The following RIT2 variants were observed in gnomAD, a reference collection of about 807,000 sequenced individuals.
The protein encoded by RIT2 is GTP-binding protein Rit2.
Under a neutral mutation model 23.7 loss-of-function variants are expected in RIT2, and 24 were observed. The observed-to-expected ratio is 1.01, with a 90% CI of 0.73 to 1.43. RIT2 has a LOEUF of 1.43. Ranked by LOEUF, RIT2 falls within the 40% of genes most tolerant of loss-of-function variation. The probability of loss-of-function intolerance (pLI) is 0.00; values close to 1 mark genes in which losing one functional copy is unlikely to be tolerated. For missense variants in RIT2, 236 were observed against 266.9 expected, an observed-to-expected ratio of 0.88 and a Z score of 0.81; for synonymous variants, 107 against 91.1, an observed-to-expected ratio of 1.17 and a Z score of -0.99.
chr18:42,856,297 A>G (rs1277070931), intron 4 of RIT2, among the ~76,000 whole-genome samples: 1 of 152,238 alleles, frequency 6.6e-6, no homozygotes, highest in Non-Finnish European at 1.5e-5. Context: ...GGAATTGCAT[A>G]CTCAGAGAGG....
chr18:42,828,185 A>T (rs1264204758), intron 4 of RIT2, among the ~76,000 whole-genome samples: 1 of 151,978 alleles, frequency 6.6e-6, no homozygotes, highest in East Asian at 1.9e-4. Context: ...TTTTACAACC[A>T]CTCTAGAGAG....
At chr18:43,055,196 G>A (rs1598763921) in intron 1 of RIT2, among the ~76,000 whole-genome samples, 1 of 152,110 alleles carries the variant, frequency 6.6e-6, no homozygotes, top group African/African-American at 2.4e-5. Flanking sequence ...TCTCAGTTAT[G>A]TATTTAAATA....
At chr18:42,905,560 C>T (rs1908589621) in intron 4 of RIT2, among the ~76,000 whole-genome samples, 1 of 152,100 alleles carries the variant, frequency 6.6e-6, no homozygotes, top group Non-Finnish European at 1.5e-5. Context: ...GCAACCTCTG[C>T]CTCGCAGGTT....
chr18:42,986,307 G>A (rs1910708084), intron 2 of RIT2, among the ~76,000 whole-genome samples: 1 of 151,858 alleles, frequency 6.6e-6, no homozygotes, highest in Non-Finnish European at 1.5e-5. Flanking sequence ...GGGATTACAG[G>A]CGTGAGGCAC....
chr18:42,791,523 T>C (rs1914043284), intron 4 of RIT2, among the ~76,000 whole-genome samples: 1 of 152,248 alleles, frequency 6.6e-6, no homozygotes, highest in African/African-American at 2.4e-5. Context: ...TACCTATTAG[T>C]GTCCCGCTGA....
chr18:42,911,227 G>C (rs917839071), intron 4 of RIT2, among the ~76,000 whole-genome samples: 3 of 151,862 alleles, frequency 2.0e-5, no homozygotes, highest in Admixed American at 1.3e-4. Flanking sequence ...AATACGTAGA[G>C]TGGAATAAAA....
At chr18:42,807,294 C>G (rs564902318) in intron 4 of RIT2, among the ~76,000 whole-genome samples, 1 of 152,242 alleles carries the variant, frequency 6.6e-6, no homozygotes, top group East Asian at 1.9e-4. Flanking sequence ...TGAATAAAGT[C>G]TTGTGTTCAG....
At chr18:42,894,001 T>C (rs1446484021) in intron 4 of RIT2, among the ~76,000 whole-genome samples, 2 of 152,228 alleles carry the variant, frequency 1.3e-5, no homozygotes, top group Non-Finnish European at 2.9e-5. Flanking sequence ...AATTTACCAA[T>C]TGAGAGATTG....
chr18:43,063,853 A>G (rs1912709534), intron 1 of RIT2, among the ~76,000 whole-genome samples: 1 of 152,204 alleles, frequency 6.6e-6, no homozygotes, highest in South Asian at 2.1e-4. Flanking sequence ...AATGTCTATT[A>G]GGTACCAACA....
At chr18:42,775,872 CACACACACAG>C (rs1024307332) in intron 4 of RIT2, among the ~76,000 whole-genome samples, 17 of 151,728 alleles carry the variant, frequency 1.1e-4, no homozygotes, top group Non-Finnish European at 2.2e-4. Flanking sequence ...CACACACACA[CACACACACAG>C]AGATGTAAAT....
At chr18:42,947,175 C>A (rs1364060074) in intron 3 of RIT2, among the ~76,000 whole-genome samples, 2 of 151,984 alleles carry the variant, frequency 1.3e-5, no homozygotes, top group African/African-American at 4.8e-5. Context: ...GAAAACTGAC[C>A]TTCAAGAGGA....
At chr18:42,997,148 C>T (rs1317109102) in intron 2 of RIT2, among the ~76,000 whole-genome samples, 1 of 152,164 alleles carries the variant, frequency 6.6e-6, no homozygotes, top group Non-Finnish European at 1.5e-5. Flanking sequence ...ACATAATTCA[C>T]TCCTTAGTTT....
At chr18:43,063,117 A>T (rs1912689831) in intron 1 of RIT2, among the ~76,000 whole-genome samples, 1 of 152,178 alleles carries the variant, frequency 6.6e-6, no homozygotes, top group African/African-American at 2.4e-5. Flanking sequence ...TTACAGCTGG[A>T]CTCATGCCTT....
At chr18:42,896,793 T>C (rs1401591442) in intron 4 of RIT2, among the ~76,000 whole-genome samples, 2 of 152,190 alleles carry the variant, frequency 1.3e-5, no homozygotes, top group Non-Finnish European at 2.9e-5. Context: ...TATGTTTAAT[T>C]ATTATTTACT....
intron 1 of RIT2, among the ~76,000 whole-genome samples, chr18:43,102,344 TG>T (rs961597183): frequency 6.6e-6 from 1 of 152,004 alleles, no homozygotes; most frequent in Admixed American, 6.6e-5. Flanking sequence ...CTTAGAACCA[TG>T]GGGGTAAACA....
At chr18:43,099,978 A>G (rs1598784111) in intron 1 of RIT2, among the ~76,000 whole-genome samples, 1 of 152,224 alleles carries the variant, frequency 6.6e-6, no homozygotes, top group East Asian at 1.9e-4. Context: ...GAAGCTTCAC[A>G]AGTTTAGGTA....
chr18:42,888,859 T>C (rs1250722372), intron 4 of RIT2, among the ~76,000 whole-genome samples: 1 of 152,080 alleles, frequency 6.6e-6, no homozygotes, highest in African/African-American at 2.4e-5. Context: ...AGCTAAACAC[T>C]GAGCACATGT....
At chr18:42,976,102 T>C (rs1910472329) in intron 2 of RIT2, among the ~76,000 whole-genome samples, 1 of 152,102 alleles carries the variant, frequency 6.6e-6, no homozygotes, top group South Asian at 2.1e-4. Context: ...TTTCAATTGT[T>C]GGTTTCTAGT....
intron 4 of RIT2, among the ~76,000 whole-genome samples, chr18:42,837,376 C>T (rs1906644584): frequency 6.6e-6 from 1 of 151,406 alleles, no homozygotes; most frequent in Non-Finnish European, 1.5e-5. Flanking sequence ...ATCTTGTTAG[C>T]CAGGATGGTC....
Sources: gnomAD v4.1 joint callset for allele counts (sites outside exome capture counted in the v4.1 genomes callset) on GRCh38, gnomAD v4.1.1 for gene constraint, MANE v1.5 for transcripts, NCBI Gene and HGNC (gene_info 2026-07-23, HGNC 2026-07-21) for gene names.